PCDH15: variants seen among roughly 807,000 people sequenced by gnomAD.
PCDH15 encodes the protein protocadherin-15.
A neutral mutation model predicts 178.5 loss-of-function variants in PCDH15; 129 were observed. The observed-to-expected ratio is 0.72, with a 90% CI of 0.63 to 0.84. The LOEUF is 0.84. PCDH15 is among the 40% of genes least tolerant of loss of function. PCDH15 has a pLI of 0.00. For synonymous variants in PCDH15, 800 were observed against 732.0 expected (o/e 1.09, Z -1.50); for missense variants, 2,230 against 2,099.9 (o/e 1.06, Z -1.21).
intron 2 of PCDH15, among the ~76,000 whole-genome samples, chr10:55,517,547 GA>G (rs1482138099): frequency 9.2e-5 from 14 of 152,070 alleles, no homozygotes; most frequent in African/African-American, 3.1e-4. Context: ...TAAGCTGGTA[GA>G]AGAAATAAAT....
intron 2 of PCDH15, among the ~76,000 whole-genome samples, chr10:54,625,503 A>G (rs960361611): frequency 2.3e-4 from 35 of 152,032 alleles, no homozygotes; most frequent in African/African-American, 5.8e-4. Context: ...TGCTGTTCTC[A>G]TGATGGTGAA....
intron 1 of PCDH15, among the ~76,000 whole-genome samples, chr10:54,744,759 C>T (rs1932600): frequency 1 from 151,738 of 152,264 alleles, 75,608 homozygotes; most frequent in Non-Finnish European, 1. Flanking sequence ...CCTTCTCTGG[C>T]AGTAATTATC....
intron 15 of PCDH15, among the ~76,000 whole-genome samples, chr10:54,111,981 AAAAAAAC>A (rs1253356735): frequency 7.7e-6 from 1 of 130,376 alleles, no homozygotes; most frequent in Non-Finnish European, 1.6e-5. Context: ...ACAAAAAAAA[AAAAAAAC>A]AAAACTTAGC....
intron 1 of PCDH15, among the ~76,000 whole-genome samples, chr10:54,678,693 A>T (rs1591001742): frequency 1.3e-5 from 2 of 152,306 alleles, no homozygotes; most frequent in East Asian, 3.9e-4. Context: ...CACCTTCAAG[A>T]TCATCATTTA....
chr10:54,237,300 G>T (rs1564755400), intron 8 of PCDH15, among the ~76,000 whole-genome samples: 1 of 151,918 alleles, frequency 6.6e-6, no homozygotes, highest in Non-Finnish European at 1.5e-5. Context: ...GACAAGATTT[G>T]TAAGAATACT....
chr10:54,183,317 CTAAT>C (rs2133798031), intron 13 of PCDH15, 123 bp downstream of exon 13: 1 of 949,256 alleles, frequency 1.1e-6, no homozygotes, highest in Non-Finnish European at 1.7e-6. Context: ...GCTATTTAAA[CTAAT>C]TATGCTATAC....
chr10:54,223,902 G>A lies in PCDH15; in HGVS notation c.986-9854C>T, dbSNP rs533827696. On this transcript the variant is annotated intron_variant, in intron 9 of 37. Coordinates refer to ENST00000644397, the MANE Select transcript of PCDH15 (RefSeq NM_001384140.1). Reference sequence around the variant, plus strand: ...GTCCTTTCAATAAATTTCCTTAAACGCCAAGATGAACTTAAGTTCACCTCT... The same window carrying A: ...GTCCTTTCAATAAATTTCCTTAAACACCAAGATGAACTTAAGTTCACCTCT... 2.0e-5 allele frequency among the ~76,000 whole-genome samples: 3 copies of A among 152,040 alleles called. No homozygotes were observed. In the East Asian group the frequency reaches 5.8e-4, roughly 29 times the overall value.
Position 54,332,940 on chromosome 10 carries a change from T to A in PCDH15, c.595-3234A>T, listed in dbSNP as rs1232062350. 2.0e-5 allele frequency among the ~76,000 whole-genome samples: 3 copies of A among 151,974 alleles called. No individual in the cohort carries two copies. In the East Asian group the frequency reaches 5.8e-4, roughly 29 times the overall value. On this transcript the variant is annotated intron_variant, in intron 6 of 37. Transcript: ENST00000644397. Reference sequence around the variant, plus strand: ...TAATTTTACTTTTTATATGTATGTATTTATTTATTTATTTATTGAGATGGA... The same window carrying A: ...TAATTTTACTTTTTATATGTATGTAATTATTTATTTATTTATTGAGATGGA...
intron 1 of PCDH15, among the ~76,000 whole-genome samples, chr10:54,710,703 T>C (rs1349760929): frequency 6.6e-6 from 1 of 151,830 alleles, no homozygotes; most frequent in African/African-American, 2.4e-5. Context: ...TAGAAAAAAA[T>C]GAGGAATTAA....
chr10:54,778,290 G>C (rs1364429011), intron 1 of PCDH15, among the ~76,000 whole-genome samples: 1 of 152,160 alleles, frequency 6.6e-6, no homozygotes, highest in Non-Finnish European at 1.5e-5. Context: ...CTAGTGTTGA[G>C]AGACACATTT....
At chr10:54,140,711 C>T (rs2043322534) in intron 14 of PCDH15, among the ~76,000 whole-genome samples, 1 of 151,598 alleles carries the variant, frequency 6.6e-6, no homozygotes, top group East Asian at 2.0e-4. Context: ...TCGTGATCCA[C>T]TCTCCGTTGT....
chr10:54,742,146 T>G (rs1037209964), intron 1 of PCDH15, among the ~76,000 whole-genome samples: 1 of 152,098 alleles, frequency 6.6e-6, no homozygotes, highest in Non-Finnish European at 1.5e-5. Flanking sequence ...ATTTTTGTTA[T>G]GAGGTCATTG....
intron 15 of PCDH15, among the ~76,000 whole-genome samples, chr10:54,122,620 C>G (rs545594366): frequency 6.6e-6 from 1 of 151,828 alleles, no homozygotes; most frequent in Admixed American, 6.6e-5. Flanking sequence ...TCTGCCTTCA[C>G]TGGTGATATG....
At chr10:54,036,824 G>T (rs2093428144) in intron 18 of PCDH15, among the ~76,000 whole-genome samples, 2 of 151,842 alleles carry the variant, frequency 1.3e-5, no homozygotes, top group African/African-American at 4.8e-5. Context: ...TGCGCAAAGT[G>T]AACTAAAAAT....
intron 3 of PCDH15, among the ~76,000 whole-genome samples, chr10:54,450,865 A>G (rs1192999866): frequency 6.6e-6 from 1 of 151,876 alleles, no homozygotes; most frequent in African/African-American, 2.4e-5. Flanking sequence ...AAAATATAAC[A>G]TAGCTTTGCC....
intron 3 of PCDH15, among the ~76,000 whole-genome samples, chr10:54,890,627 G>A (rs1439539655): frequency 3.3e-5 from 5 of 151,940 alleles, no homozygotes; most frequent in African/African-American, 1.2e-4. Flanking sequence ...CCTCATGAAG[G>A]TAAGGACAGA....
rs573723910 is a variant in PCDH15, at chr10:55,108,563, G to A, written c.-80+58013C>T. On this transcript the variant is annotated intron_variant, in intron 2 of 5. Transcript: ENST00000458638. The stretch of plus-strand genomic sequence containing the variant: ...GAATAGTATTATGGTGTGTGATTAG[G>A]TATGATTTTTATTTGTTCTAAAATA... 2.6e-5 allele frequency among the ~76,000 whole-genome samples: 4 copies of A among 152,068 alleles called. No homozygotes were observed. In the South Asian group the frequency reaches 8.3e-4, roughly 32 times the overall value.
chr10:54,183,537 C>T lies in PCDH15; in HGVS notation c.1497G>A (p.Val499=). Residue 499 remains valine, a synonymous_variant, in exon 13 of 38, where the codon GTG becomes GTA. Transcript: ENST00000644397. ...TTGGCGTGTTATCATTTGCATCCAT[C>T]ACTTGAATATTGACGATGACTGGCT... ...ESEPVIVNIQ[V]MDANDNTPTF... 1 of 1,614,030 alleles carries T rather than the reference C, an allele frequency of 6.2e-7. No individual in the cohort carries two copies. Among genetic ancestry groups the T allele is most frequent in the Admixed American group, 1.7e-5 (1 of 60,018 alleles).
intron 1 of PCDH15, among the ~76,000 whole-genome samples, chr10:55,288,752 C>T (rs1253262859): frequency 6.6e-6 from 1 of 151,844 alleles, no homozygotes; most frequent in Non-Finnish European, 1.5e-5. Context: ...TATGTACATA[C>T]CACATTTTCT....
Sources: allele counts gnomAD v4.1 joint callset (sites outside exome capture counted in the v4.1 genomes callset), GRCh38; gene constraint gnomAD v4.1.1; transcripts MANE v1.5; gene names NCBI Gene and HGNC (gene_info 2026-07-23, HGNC 2026-07-21).